The following PPM1B variants were observed in gnomAD, a reference collection of about 807,000 sequenced individuals.
PPM1B encodes protein phosphatase, Mg2+/Mn2+ dependent 1B.
PPM1B carries 22 observed loss-of-function variants against 43.0 expected under a neutral mutation model. The ratio of observed to expected loss-of-function variants is 0.51; its 90% confidence interval spans 0.37 to 0.73. The LOEUF is 0.73. PPM1B is among the 30% of genes least tolerant of loss of function. The pLI, the probability that PPM1B is intolerant of heterozygous loss-of-function variation, is 0.00. For missense variants in PPM1B, 632 were observed against 584.2 expected (o/e 1.08, Z -0.84); for synonymous variants, 217 against 197.9 (o/e 1.10, Z -0.81).
At position 44,207,675 on chromosome 2, in the gene PPM1B, A is replaced by G. The variant is rs145780248; in HGVS notation, c.847-1535A>G. Among the ~76,000 whole-genome samples, 141 of 151,350 alleles carry G rather than the reference A, an allele frequency of 9.3e-4. 1 individual carries two copies. The highest frequency in any genetic ancestry group is 2.4e-3 in the Admixed American group (36 of 15,172). ...ACTGCAATCTCCACTTCCCAGGCTT[A>G]AGCGATCCTTCCACCTTAGCCTCCC... On this transcript the variant is annotated intron_variant, in intron 2 of 5. Transcript: ENST00000282412.
Position 44,230,416 on chromosome 2 carries a change from T to A in PPM1B, c.1138T>A (p.Ser380Thr), listed in dbSNP as rs1385574354. The change falls in exon 6 of 6, where the codon TCC becomes ACC. Residue 380 changes from serine (S) to threonine (T), a missense_variant. Ser to Thr is a moderately conservative substitution (Grantham distance 58). Around this residue, in one of 3 missense-constraint regions of PPM1B, gnomAD observed 392 missense variants for 302.7 expected, o/e 1.29. Coordinates refer to ENST00000282412, the MANE Select transcript of PPM1B (RefSeq NM_002706.6). ...LNPHRESDGA[S>T]DEAEESGSQG... is the part of the protein sequence containing the mutation. The stretch of plus-strand genomic sequence containing the variant: ...GGGTCTTGAATCTTAAAAAAAGGCC[T>A]CCGATGAAGCAGAGGAAAGTGGATC... 6.2e-7 allele frequency: 1 copy of A among 1,612,910 alleles called. No individual in the cohort carries two copies. The highest frequency in any genetic ancestry group is 2.2e-5 in the East Asian group (1 of 44,864).
downstream of PPM1B, chr2:44,233,012 A>G (rs560333676): frequency 5.1e-4 from 497 of 982,402 alleles, no homozygotes; most frequent in Non-Finnish European, 5.6e-4. Context: ...GCATCCTTCA[A>G]CTCTCACTAG....
chr2:44,225,908 G>A (rs1670187525), intron 5 of PPM1B, among the ~76,000 whole-genome samples: 2 of 151,278 alleles, frequency 1.3e-5, no homozygotes, highest in African/African-American at 4.9e-5. Flanking sequence ...CACCTACCTC[G>A]GCCTCCAAAA....
intron 1 of PPM1B, among the ~76,000 whole-genome samples, chr2:44,198,949 T>C (rs1437750142): frequency 6.6e-6 from 1 of 152,126 alleles, no homozygotes; most frequent in Non-Finnish European, 1.5e-5. Flanking sequence ...AAGTATCCCA[T>C]ATATGGCTAC....
intron 1 of PPM1B, among the ~76,000 whole-genome samples, chr2:44,172,665 T>G (rs923789548): frequency 2.0e-5 from 3 of 152,122 alleles, no homozygotes; most frequent in African/African-American, 7.2e-5. Context: ...AGTGGCTCAC[T>G]CCTGTCCCAA....
intron 2 of PPM1B, among the ~76,000 whole-genome samples, chr2:44,207,876 C>G (rs559455037): frequency 6.9e-6 from 1 of 145,970 alleles, no homozygotes; most frequent in East Asian, 2.0e-4. Flanking sequence ...AGTCACAGTG[C>G]CTGGCTTTAT....
intron 1 of PPM1B, among the ~76,000 whole-genome samples, chr2:44,177,467 G>A (rs1286152146): frequency 6.9e-6 from 1 of 144,578 alleles, no homozygotes; most frequent in African/African-American, 2.6e-5. Context: ...TGCCCAGGCT[G>A]GAGTGTAGTG....
chr2:44,183,960 G>T (rs556243180), intron 1 of PPM1B, among the ~76,000 whole-genome samples: 1 of 152,160 alleles, frequency 6.6e-6, no homozygotes, highest in African/African-American at 2.4e-5. Context: ...GTATGGTCTC[G>T]ATCTCCTGAC....
chr2:44,238,776 AC>A, downstream of PPM1B, among the ~76,000 whole-genome samples: 1 of 152,012 alleles, frequency 6.6e-6, no homozygotes, highest in East Asian at 1.9e-4. Context: ...TTTACTTCGG[AC>A]TGTAACTAAT....
chr2:44,235,346 G>A (rs1006273814), downstream of PPM1B, among the ~76,000 whole-genome samples: 84 of 152,186 alleles, frequency 5.5e-4, 1 homozygote, highest in African/African-American at 2.0e-3. Context: ...ATTCATGCCT[G>A]TAATCCCAGC....
chr2:44,224,847 A>G (rs1670142473), intron 5 of PPM1B, among the ~76,000 whole-genome samples: 1 of 152,198 alleles, frequency 6.6e-6, no homozygotes, highest in South Asian at 2.1e-4. Context: ...ATTTTACTAT[A>G]TTAAGGAAAT....
intron 2 of PPM1B, among the ~76,000 whole-genome samples, chr2:44,206,407 C>T (rs1402702683): frequency 6.6e-6 from 1 of 152,146 alleles, no homozygotes; most frequent in Non-Finnish European, 1.5e-5. Context: ...GAAATAGAAG[C>T]AAGCCAGGCA....
At chr2:44,195,843 C>G (rs942434576) in intron 1 of PPM1B, among the ~76,000 whole-genome samples, 1 of 152,174 alleles carries the variant, frequency 6.6e-6, no homozygotes, top group African/African-American at 2.4e-5. Context: ...CCATGTAGCT[C>G]TGCCTGGGAA....
At chr2:44,238,929 GTAAACTGA>G (rs1029614221), downstream of PPM1B, among the ~76,000 whole-genome samples, 3 of 151,918 alleles carry the variant, frequency 2.0e-5, no homozygotes, top group Non-Finnish European at 2.9e-5. Context: ...AAGCCTTAAT[GTAAACTGA>G]AATTATTTCA....
intron 2 of PPM1B, among the ~76,000 whole-genome samples, chr2:44,208,489 G>A (rs1669298847): frequency 6.6e-6 from 1 of 151,978 alleles, no homozygotes; most frequent in African/African-American, 2.4e-5. Context: ...GAGGTGGGTG[G>A]ATCACCTGAG....
Position 44,191,275 on chromosome 2 carries a change from G to A in PPM1B, c.-14-9911G>A, listed in dbSNP as rs1004855777. ...GTTGCCCAGGCTGGAGTGCAGTGGA[G>A]TGATCTCGGCTCACTGCAACCTCTG... On this transcript the variant is annotated intron_variant, in intron 1 of 5. Transcript: ENST00000282412. Among the ~76,000 whole-genome samples the A allele has an allele frequency of 9.2e-5, 14 of 152,134 alleles. No homozygotes were observed. The South Asian group carries it at 2.1e-3, about 23-fold the overall frequency.
downstream of PPM1B, among the ~76,000 whole-genome samples, chr2:44,236,673 T>C (rs1670632928): frequency 6.6e-6 from 1 of 152,176 alleles, no homozygotes; most frequent in African/African-American, 2.4e-5. Flanking sequence ...CAGAGGAATA[T>C]ATGGTGCCCA....
chr2:44,184,811 T>G (rs1668046172), intron 1 of PPM1B, among the ~76,000 whole-genome samples: 1 of 152,002 alleles, frequency 6.6e-6, no homozygotes, highest in African/African-American at 2.4e-5. Context: ...TAACTGAATT[T>G]TAACATTTTC....
chr2:44,202,533 T>A (rs1414956126), intron 2 of PPM1B, among the ~76,000 whole-genome samples: 2 of 152,218 alleles, frequency 1.3e-5, no homozygotes, highest in Admixed American at 1.3e-4. Flanking sequence ...ATGGGTTGTA[T>A]ATTTCTCATT....
Sources: gnomAD v4.1 joint callset for allele counts (sites outside exome capture counted in the v4.1 genomes callset) on GRCh38, gnomAD v4.1.1 for gene constraint, gnomAD v4.1.1 regional missense constraint, MANE v1.5 for transcripts, NCBI Gene and HGNC (gene_info 2026-07-23, HGNC 2026-07-21) for gene names.